Variants in POLI observed in about 807,000 individuals in gnomAD.
The protein encoded by POLI is RAD30 homolog B.
A neutral mutation model predicts 51.6 loss-of-function variants in POLI; 58 were observed. That is an observed-to-expected ratio of 1.12 (90% CI 0.91 to 1.40). The LOEUF is 1.40. POLI is among the 40% of genes most tolerant of loss of function. The pLI is 0.00. For synonymous variants in POLI, 322 were observed against 299.7 expected (o/e 1.07, Z -0.77); for missense variants, 921 against 871.3 (o/e 1.06, Z -0.72).
Position 54,269,641 on chromosome 18 carries a change from G to C in POLI, c.95G>C (p.Gly32Ala). 1.3e-6 allele frequency: 2 copies of C among 1,508,802 alleles called. No homozygotes were observed. Among genetic ancestry groups the C allele is most frequent in the Non-Finnish European group, 1.8e-6 (2 of 1,131,704 alleles). The allele number at this position is 1,508,802 out of a possible 1,614,324, so 93.5% of individuals were successfully genotyped here. ...TGGGCCATGGAACTGGCGGACGTGGGGGCGGCAGCCAGCTCGCAGGGTGCG... is the reference window on the plus strand; with the variant it reads ...TGGGCCATGGAACTGGCGGACGTGGCGGCGGCAGCCAGCTCGCAGGGTGCG... ...EAWAMELADV[G>A]AAASSQGVHD... Residue 32 changes from glycine to alanine, a missense_variant, in exon 1 of 10, where the codon GGG (glycine) becomes GCG (alanine). Physicochemically the swap from Gly to Ala is moderately conservative, Grantham distance 60 (BLOSUM62 0). Transcript: ENST00000579534.
chr18:54,281,356 C>G (rs1027135372), intron 5 of POLI, among the ~76,000 whole-genome samples: 1 of 152,124 alleles, frequency 6.6e-6, no homozygotes, highest in Non-Finnish European at 1.5e-5. Flanking sequence ...AAACTGATTT[C>G]CATGAGGAGT....
At chr18:54,309,374 G>C (rs906655194) in intron 3 of POLI, among the ~76,000 whole-genome samples, 2 of 152,148 alleles carry the variant, frequency 1.3e-5, no homozygotes, top group African/African-American at 4.8e-5. Context: ...GTTTGCTGGG[G>C]GTCCACTCCA....
At chr18:54,277,413 G>A (rs1034851694) in intron 3 of POLI, among the ~76,000 whole-genome samples, 3 of 152,134 alleles carry the variant, frequency 2.0e-5, no homozygotes, top group East Asian at 1.9e-4. Context: ...GATATTTAAT[G>A]TACTACAGAT....
intron 3 of POLI, among the ~76,000 whole-genome samples, chr18:54,308,851 CCT>C (rs1347299385): frequency 2.6e-5 from 4 of 152,012 alleles, no homozygotes; most frequent in Non-Finnish European, 5.9e-5. Context: ...TCACTGATAC[CCT>C]TTCTTCCAGT....
rs2088235841 is a variant in POLI, at chr18:54,294,887, A to G, written c.*420A>G. The G allele has an allele frequency of 1.0e-6, 1 of 982,948 alleles. No individual in the cohort carries two copies. The highest frequency in any genetic ancestry group is 1.1e-4 in the East Asian group (1 of 8,806). 60.9% of individuals were successfully genotyped at this position (982,948 alleles called of 1,614,324 possible). ...CCTCTTAGGCTGAATAGCAAATCCT[A>G]CTGCCAACTAACCTATTAAAAATAT... On this transcript the variant is annotated 3_prime_UTR_variant, in exon 10 of 10. Transcript: ENST00000579534.
At chr18:54,309,848 G>T (rs1282143602) in intron 3 of POLI, among the ~76,000 whole-genome samples, 1 of 152,228 alleles carries the variant, frequency 6.6e-6, no homozygotes, top group Non-Finnish European at 1.5e-5. Flanking sequence ...TCGGACTGCT[G>T]CACTAGCAGT....
intron 7 of POLI, among the ~76,000 whole-genome samples, chr18:54,285,900 T>C (rs2087720999): frequency 6.6e-6 from 1 of 152,168 alleles, no homozygotes; most frequent in Non-Finnish European, 1.5e-5. Context: ...CGATAGGGTC[T>C]TGCTCTGTCA....
intron 3 of POLI, among the ~76,000 whole-genome samples, chr18:54,311,586 G>A (rs2144646766): frequency 6.6e-6 from 1 of 152,230 alleles, no homozygotes; most frequent in African/African-American, 2.4e-5. Context: ...GTTGACAGAA[G>A]AATATTTCAT....
In POLI at chr18:54,274,028, A is replaced by C. The variant is rs1379510260; in HGVS notation, c.344A>C (p.Gln115Pro). 6.4e-7 allele frequency: 1 copy of C among 1,571,918 alleles called. No homozygotes were observed. Residue 115 changes from glutamine to proline, a missense_variant, in exon 3 of 10, where the codon CAG becomes CCG. Coordinates refer to ENST00000579534, the MANE Select transcript of POLI (RefSeq NM_007195.3). Reference protein sequence around the residue: ...NVRDAKEKCPQLVLVNGEDLT... With the variant: ...NVRDAKEKCPPLVLVNGEDLT... ...AGAGATGCAAAAGAAAAGTGTCCAC[A>C]GTTGGTATTAGTTAATGGAGAAGAC...
rs201184827 is a variant in POLI, at chr18:54,313,224, A to C, written c.334-7049A>C. Among the ~76,000 whole-genome samples, 8 of 152,108 alleles carry C rather than the reference A, an allele frequency of 5.3e-5. No individual in the cohort carries two copies. In the East Asian group the frequency reaches 1.5e-3, roughly 29 times the overall value. ...ATAGGCAGTTCTTTCTCTATTGCTTACATTTATCAACTTTGACAAAGATCA... is the reference window on the plus strand; with the variant it reads ...ATAGGCAGTTCTTTCTCTATTGCTTCCATTTATCAACTTTGACAAAGATCA... On this transcript the variant is annotated intron_variant, in intron 3 of 4. Coordinates refer to the POLI transcript ENST00000579823.
At chr18:54,312,695 C>A (rs1019002734) in intron 3 of POLI, among the ~76,000 whole-genome samples, 2 of 152,108 alleles carry the variant, frequency 1.3e-5, no homozygotes, top group Non-Finnish European at 2.9e-5. Flanking sequence ...GATTGCATTT[C>A]TCTGATAATT....
intron 3 of POLI, among the ~76,000 whole-genome samples, chr18:54,306,460 G>A (rs952301711): frequency 6.6e-6 from 1 of 152,166 alleles, no homozygotes; most frequent in African/African-American, 2.4e-5. Flanking sequence ...TTGATGTGCT[G>A]CTGGATTCGG....
At chr18:54,293,209 G>C (rs1211526489) in intron 9 of POLI, among the ~76,000 whole-genome samples, 1 of 151,574 alleles carries the variant, frequency 6.6e-6, no homozygotes. Flanking sequence ...TTTGTTATAG[G>C]CTTTTTTTTT....
At chr18:54,271,965 G>A (rs1029096030) in intron 2 of POLI, among the ~76,000 whole-genome samples, 1 of 152,112 alleles carries the variant, frequency 6.6e-6, no homozygotes, top group African/African-American at 2.4e-5. Context: ...AAAAACATAA[G>A]CATCTTTTTA....
rs184773343 is a variant in POLI at position 54,287,884 on chromosome 18, A to G, written c.1198+473A>G. Among the ~76,000 whole-genome samples the G allele has an allele frequency of 5.4e-3, 828 of 152,336 alleles. 5 individuals carry two copies. The highest frequency in any genetic ancestry group is 8.4e-3 in the Non-Finnish European group (572 of 68,038). ...TGTTTTTAAATAGATAATTAAGTAAAGAGTCATTTAAGAATGTTTTCCAAG... is the reference window on the plus strand; with the variant it reads ...TGTTTTTAAATAGATAATTAAGTAAGGAGTCATTTAAGAATGTTTTCCAAG... On this transcript the variant is annotated intron_variant, in intron 8 of 9. Coordinates refer to ENST00000579534, the MANE Select transcript of POLI (RefSeq NM_007195.3).
Position 54,282,916 on chromosome 18 carries a change from AATTTT to A in POLI, c.878_882del (p.Ile293ArgfsTer21). The A allele has an allele frequency of 6.3e-7, 1 of 1,599,348 alleles. No individual in the cohort carries two copies. Among genetic ancestry groups the A allele is most frequent in the Non-Finnish European group, 8.5e-7 (1 of 1,172,166 alleles). ...GTGATCTCCAAACCTTTTCACCCAA[AATTTT>A]AGAAAAAGAATTAGGAATTTCAGTT... On this transcript the variant is annotated frameshift_variant, in exon 6 of 10. Transcript: ENST00000579534. LOFTEE classifies it high-confidence loss of function.
intron 7 of POLI, among the ~76,000 whole-genome samples, chr18:54,285,967 C>T (rs574238876): frequency 5.7e-4 from 87 of 152,242 alleles, no homozygotes; most frequent in African/African-American, 2.0e-3. Flanking sequence ...GCCTCCTGGG[C>T]TCAAGCAATC....
chr18:54,292,080 T>C lies in POLI; in HGVS notation c.1404+42T>C, dbSNP rs193144344. ...TTGTTCAGTTTTCTAAGTATACTCT[T>C]ATGGGATTTGTGTGGTTACATTACA... On this transcript the variant is annotated intron_variant, in intron 9 of 9. Coordinates refer to ENST00000579534, the MANE Select transcript of POLI (RefSeq NM_007195.3). 6.6e-4 allele frequency: 699 copies of C among 1,056,086 alleles called. 5 individuals carry two copies. In the African/African-American group the frequency reaches 0.011, roughly 17 times the overall value. The allele number at this position is 1,056,086 out of a possible 1,614,324, so 65.4% of individuals were successfully genotyped here. A position where few individuals can be genotyped will look rare whatever the true frequency, so the allele number is the denominator to read the frequency against.
Position 54,280,712 on chromosome 18 carries a change from C to T in POLI, c.605C>T (p.Ser202Phe). ...DVLHIRLLVGSQIAAEMREAM... is the reference protein window; with the variant it reads ...DVLHIRLLVGFQIAAEMREAM... ...TTGCACATCAGACTACTTGTTGGATCTCAGATTGCAGCAGAGATGCGGGAA... is the reference window on the plus strand; with the variant it reads ...TTGCACATCAGACTACTTGTTGGATTTCAGATTGCAGCAGAGATGCGGGAA... Residue 202 changes from serine to phenylalanine, a missense_variant, in exon 5 of 10, where the codon TCT becomes TTT. Physicochemically the swap from Ser to Phe is radical, Grantham distance 155 (BLOSUM62 -2). Transcript: ENST00000579534. The T allele has an allele frequency of 1.2e-6, 2 of 1,613,828 alleles. No individual in the cohort carries two copies. Among genetic ancestry groups the T allele is most frequent in the Non-Finnish European group, 1.7e-6 (2 of 1,179,730 alleles).
Sources: allele counts gnomAD v4.1 joint callset (sites outside exome capture counted in the v4.1 genomes callset), GRCh38; gene constraint gnomAD v4.1.1; transcripts MANE v1.5; gene names NCBI Gene and HGNC (gene_info 2026-07-23, HGNC 2026-07-21).